Variants in CYLD observed in about 807,000 individuals in gnomAD.
CYLD encodes ubiquitin carboxyl-terminal hydrolase CYLD.
A neutral mutation model predicts 104.5 loss-of-function variants in CYLD; 26 were observed. The ratio of observed to expected loss-of-function variants is 0.25; its 90% CI spans 0.18 to 0.35. The LOEUF (loss-of-function observed/expected upper bound fraction) is 0.35, where lower values mean the gene tolerates loss of function less well. Among genes scored for constraint, CYLD ranks in the 10% least tolerant of loss-of-function variants. The pLI is 1.00. For synonymous variants in CYLD, 385 were observed against 399.9 expected, an observed-to-expected ratio of 0.96 and a Z score of 0.45; for missense variants, 703 against 1,136.1, an observed-to-expected ratio of 0.62 and a Z score of 5.48.
In CYLD at chr16:50,782,317, C is replaced by G; in HGVS notation, c.1685-8C>G. ...TTTCATTTACTTTTTTTAAAAAAAT[C>G]TTTTCAGCATTTGGAGGCTACTTAA... On this transcript the variant is annotated splice_region_variant and splice_polypyrimidine_tract_variant and intron_variant, in intron 10 of 18. Coordinates refer to ENST00000427738, the MANE Select transcript of CYLD (RefSeq NM_001378743.1). 1 of 1,581,466 alleles carries G rather than the reference C, an allele frequency of 6.3e-7. No homozygotes were observed. The highest frequency in any genetic ancestry group is 8.6e-7 in the Non-Finnish European group (1 of 1,157,756).
At chr16:50,755,663 A>C (rs1377615301) in intron 5 of CYLD, among the ~76,000 whole-genome samples, 2 of 152,028 alleles carry the variant, frequency 1.3e-5, no homozygotes, top group African/African-American at 4.8e-5. Flanking sequence ...CTTGTTGGCT[A>C]TTTGTATATC....
At position 50,755,191 on chromosome 16, in the gene CYLD, G is replaced by A. The variant is rs1339932317; in HGVS notation, c.913+767G>A. Among the ~76,000 whole-genome samples the A allele has an allele frequency of 1.2e-4, 11 of 89,128 alleles. 1 individual carries two copies. Among genetic ancestry groups the A allele is most frequent in the South Asian group, 6.5e-4 (2 of 3,082 alleles). The allele number at this position is 89,128 out of a possible 152,430, so 58.5% of individuals were successfully genotyped here. A position where few individuals can be genotyped will look rare whatever the true frequency, so the allele number is the denominator to read the frequency against. ...TACATATGTGTGTGTATATACACAC[G>A]TGTACATATGTGTGTGTATATACAC... On this transcript the variant is annotated intron_variant, in intron 5 of 18. Transcript: ENST00000427738.
intron 12 of CYLD, chr16:50,785,277 CAATT>C (rs1970696870): frequency 1.3e-5 from 2 of 152,000 alleles, no homozygotes; most frequent in South Asian, 4.2e-4. Context: ...TCTTATTTAT[CAATT>C]AAAGTAAAAA....
At chr16:50,790,624 T>G (rs1356313665) in intron 14 of CYLD, among the ~76,000 whole-genome samples, 2 of 152,192 alleles carry the variant, frequency 1.3e-5, no homozygotes, top group African/African-American at 4.8e-5. Flanking sequence ...TCTCCTGTTT[T>G]GTTATCAATT....
At chr16:50,791,806 G>T in intron 15 of CYLD, 116 bp downstream of exon 15, 2 of 1,147,122 alleles carry the variant, frequency 1.7e-6, no homozygotes, top group Non-Finnish European at 2.6e-6. Context: ...AACACAAACT[G>T]TTAAGAAACA....
At position 50,751,633 on chromosome 16, in the gene CYLD, C is replaced by T. The variant is rs377383082; in HGVS notation, c.534C>T (p.Asp178=). The T allele has an allele frequency of 1.7e-5, 27 of 1,613,466 alleles. No individual in the cohort carries two copies. Among genetic ancestry groups the T allele is most frequent in the South Asian group, 1.3e-4 (12 of 91,050 alleles). The change falls in exon 4 of 19, where the codon GAC becomes GAT. Residue 178 remains aspartate (D), a synonymous_variant. Transcript: ENST00000427738. ...LEEGRGQGFT[D]GVYQGKQLFQ... is the part of the protein sequence containing the mutation. The stretch of plus-strand genomic sequence containing the variant: ...AAGGTCGTGGTCAAGGTTTCACTGA[C>T]GGGGTGTACCAAGGGAAACAGCTTT...
At chr16:50,756,250 C>T (rs1264962560) in intron 5 of CYLD, among the ~76,000 whole-genome samples, 2 of 152,110 alleles carry the variant, frequency 1.3e-5, no homozygotes, top group East Asian at 1.9e-4. Flanking sequence ...GGGAAAAACC[C>T]TTCCTGTTAA....
At chr16:50,779,611 AAGAC>A (rs1243926634) in intron 8 of CYLD, 50 bp from the exon 9 acceptor site, 1 of 1,583,630 alleles carries the variant, frequency 6.3e-7, no homozygotes, top group African/African-American at 1.3e-5. Context: ...TTAGAAATGT[AAGAC>A]AGAGTCAATA....
chr16:50,782,426 G>A lies in CYLD; in HGVS notation c.1786G>A (p.Gly596Ser). ...GATTGGGAAGAAGAAAGGCATCCAG[G>A]GTCATTACAATTCTTGTTACTTAGA... is the stretch of plus-strand genomic sequence containing the variant. ...IMIGKKKGIQGHYNSCYLDST... is the reference protein window; with the variant it reads ...IMIGKKKGIQSHYNSCYLDST... Residue 596 changes from glycine (G) to serine (S), a missense_variant, in exon 11 of 19, where the codon GGT becomes AGT. This residue lies in a region of CYLD where 125 missense variants were observed against 325.4 expected (regional missense o/e 0.38). Coordinates refer to ENST00000427738, the MANE Select transcript of CYLD (RefSeq NM_001378743.1). 6.2e-7 allele frequency: 1 copy of A among 1,614,010 alleles called. No individual in the cohort carries two copies. Among genetic ancestry groups the A allele is most frequent in the Non-Finnish European group, 8.5e-7 (1 of 1,179,976 alleles).
rs907968605 is a variant in CYLD at position 50,742,837 on chromosome 16, G to C, written c.-128G>C. ...TTAGTTGAAAGGTGCGCCCTGCTGTGACAGGTATTCTTTCTTTATGTTTTT... is the reference window on the plus strand; with the variant it reads ...TTAGTTGAAAGGTGCGCCCTGCTGTCACAGGTATTCTTTCTTTATGTTTTT... On this transcript the variant is annotated 5_prime_UTR_variant, in exon 2 of 19. Coordinates refer to ENST00000427738, the MANE Select transcript of CYLD (RefSeq NM_001378743.1). 4.8e-5 allele frequency: 15 copies of C among 315,272 alleles called. No individual in the cohort carries two copies. The allele number at this position is 315,272 out of a possible 1,614,324, so 19.5% of individuals were successfully genotyped here. A position where few individuals can be genotyped will look rare whatever the true frequency, so the allele number is the denominator to read the frequency against.
chr16:50,800,305 G>A lies in CYLD; in HGVS notation c.*3797G>A, dbSNP rs1014783669. 4 of 233,300 alleles carry A rather than the reference G, an allele frequency of 1.7e-5. No individual in the cohort carries two copies. The highest frequency in any genetic ancestry group is 4.4e-5 in the African/African-American group (2 of 45,354). The allele number at this position is 233,300 out of a possible 1,614,324, so 14.5% of individuals were successfully genotyped here. ...CCCAGGGGAATCTCGTGACCAGCCA[G>A]GTGTGAAATCTGCTAACTGGAAGAT... On this transcript the variant is annotated 3_prime_UTR_variant, in exon 19 of 19. Transcript: ENST00000427738.
At chr16:50,792,507 T>C in intron 15 of CYLD, 90 bp from the exon 16 acceptor site, 1 of 854,132 alleles carries the variant, frequency 1.2e-6, no homozygotes, top group Non-Finnish European at 1.9e-6. Context: ...GGCAGAACTG[T>C]TTTGTTTGAC....
chr16:50,749,197 T>G (rs555653399), intron 2 of CYLD, among the ~76,000 whole-genome samples: 1 of 152,334 alleles, frequency 6.6e-6, no homozygotes, highest in African/African-American at 2.4e-5. Context: ...AGTGAGACCC[T>G]GTCTCAAAAC....
rs1344919916 is a variant in CYLD, at chr16:50,775,164, A to G, written c.914-2A>G. 3 of 1,597,176 alleles carry G rather than the reference A, an allele frequency of 1.9e-6. No individual in the cohort carries two copies. Among genetic ancestry groups the G allele is most frequent in the Non-Finnish European group, 2.5e-6 (3 of 1,178,396 alleles). The stretch of plus-strand genomic sequence containing the variant: ...GGTGATATCGTTTTTGCTGACACAC[A>G]GCTTTATCAGGTATGACTCCTAAGT... On this transcript the variant is annotated splice_acceptor_variant, in intron 5 of 18. Transcript: ENST00000427738. LOFTEE classifies it high-confidence loss of function.
intron 4 of CYLD, 66 bp downstream of exon 4, chr16:50,751,972 A>ATGTT: frequency 2.3e-6 from 1 of 431,362 alleles, no homozygotes; most frequent in Non-Finnish European, 3.4e-6. Flanking sequence ...ATGTATATAT[A>ATGTT]TATATAAACA....
intron 5 of CYLD, among the ~76,000 whole-genome samples, chr16:50,757,010 A>C (rs1188176101): frequency 6.6e-6 from 1 of 152,146 alleles, no homozygotes; most frequent in Non-Finnish European, 1.5e-5. Flanking sequence ...TATACTTGGG[A>C]ATATTGTTTC....
intron 14 of CYLD, among the ~76,000 whole-genome samples, chr16:50,789,202 G>C (rs903883272): frequency 1.3e-5 from 2 of 152,248 alleles, no homozygotes; most frequent in East Asian, 3.9e-4. Flanking sequence ...AGAATTAACT[G>C]TATGTAGAAT....
chr16:50,754,483 T>C (rs1401501134), intron 5 of CYLD, 59 bp downstream of exon 5: 2 of 1,131,670 alleles, frequency 1.8e-6, no homozygotes, highest in Admixed American at 4.0e-5. Flanking sequence ...ATTTTTTATT[T>C]TTTTATATCA....
intron 5 of CYLD, among the ~76,000 whole-genome samples, chr16:50,768,455 A>T (rs920362572): frequency 2.6e-5 from 4 of 152,196 alleles, no homozygotes; most frequent in African/African-American, 9.6e-5. Flanking sequence ...TAAAAAAGAA[A>T]AAAGATTCTT....
Sources: allele counts gnomAD v4.1 joint callset (sites outside exome capture counted in the v4.1 genomes callset), GRCh38; gene constraint gnomAD v4.1.1; regional missense constraint gnomAD v4.1.1; transcripts MANE v1.5; gene names NCBI Gene and HGNC (gene_info 2026-07-23, HGNC 2026-07-21).